The following CSE1L variants were observed in gnomAD, a reference collection of about 807,000 sequenced individuals.
CSE1L encodes exportin-2.
CSE1L carries 24 observed loss-of-function variants against 120.4 expected under a neutral mutation model. The observed-to-expected ratio is 0.20, with a 90% CI of 0.14 to 0.28. The LOEUF is 0.28. Among genes scored for constraint, CSE1L ranks in the 10% least tolerant of loss-of-function variants. The pLI, the probability that CSE1L is intolerant of heterozygous loss-of-function variation, is 1.00. For synonymous variants in CSE1L, 402 were observed against 398.3 expected, an observed-to-expected ratio of 1.01 and a Z score of -0.11; for missense variants, 830 against 1,145.2, an observed-to-expected ratio of 0.72 and a Z score of 3.97.
intron 16 of CSE1L, among the ~76,000 whole-genome samples, chr20:49,086,774 G>GTGGAGGAGCCT (rs1403704474): frequency 6.6e-6 from 1 of 152,198 alleles, no homozygotes; most frequent in Non-Finnish European, 1.5e-5. Flanking sequence ...ACGGTTGTAT[G>GTGGAGGAGCCT]AGTGAATGAA....
At chr20:49,095,116 A>G (rs2092129914) in intron 24 of CSE1L, 153 bp downstream of exon 24, 1 of 704,178 alleles carries the variant, frequency 1.4e-6, no homozygotes, top group South Asian at 1.6e-5. Context: ...AATTAAAAAC[A>G]CTGAGCCCTT....
intron 10 of CSE1L, among the ~76,000 whole-genome samples, chr20:49,073,429 T>C (rs2091946656): frequency 2.0e-5 from 3 of 152,182 alleles, no homozygotes; most frequent in Non-Finnish European, 4.4e-5. Context: ...CCTATATTTA[T>C]AAAATGTATG....
intron 10 of CSE1L, 149 bp from the exon 11 acceptor site, chr20:49,074,636 A>G: frequency 2.0e-6 from 1 of 497,542 alleles, no homozygotes; most frequent in Non-Finnish European, 3.6e-6. Context: ...TGCTCTAGAT[A>G]ATGATTAAGA....
At chr20:49,067,109 A>T in intron 5 of CSE1L, 81 bp from the exon 6 acceptor site, 1 of 693,064 alleles carries the variant, frequency 1.4e-6, no homozygotes, top group East Asian at 2.8e-5. Context: ...ATAGATGTCC[A>T]ATCAGCATCT....
intron 1 of CSE1L, among the ~76,000 whole-genome samples, chr20:49,056,824 T>C (rs2091811397): frequency 1.3e-5 from 2 of 151,804 alleles, no homozygotes; most frequent in South Asian, 4.2e-4. Flanking sequence ...TAAATCAAGC[T>C]AATTAACATA....
intron 1 of CSE1L, among the ~76,000 whole-genome samples, chr20:49,047,206 CTCA>C: frequency 6.6e-6 from 1 of 152,104 alleles, no homozygotes; most frequent in Non-Finnish European, 1.5e-5. Flanking sequence ...GGCTGGTCAC[CTCA>C]TCTCACTGAG....
chr20:49,066,322 T>C (rs765377854), intron 4 of CSE1L, 29 bp downstream of exon 4: 1 of 1,614,106 alleles, frequency 6.2e-7, no homozygotes, highest in Non-Finnish European at 8.5e-7. Flanking sequence ...TTAGATGGGC[T>C]CCTCTGTAAA....
chr20:49,076,956 CTA>C, intron 12 of CSE1L, 22 bp from the exon 13 acceptor site: 5 of 1,488,076 alleles, frequency 3.4e-6, no homozygotes, highest in Non-Finnish European at 4.6e-6. Flanking sequence ...TGTTATTTTA[CTA>C]TGTTATGAAT....
At chr20:49,062,401 A>G (rs6125534) in intron 2 of CSE1L, among the ~76,000 whole-genome samples, 2 of 152,242 alleles carry the variant, frequency 1.3e-5, no homozygotes, top group South Asian at 2.1e-4. Flanking sequence ...AGCCAAAGGT[A>G]GAAAAAAATT....
chr20:49,077,461 A>T (rs921855566), intron 13 of CSE1L, among the ~76,000 whole-genome samples: 2 of 152,134 alleles, frequency 1.3e-5, no homozygotes, highest in African/African-American at 2.4e-5. Flanking sequence ...TGCCCTGCCT[A>T]TTATTTCTTT....
chr20:49,087,050 T>C (rs2092064621), intron 16 of CSE1L, among the ~76,000 whole-genome samples: 4 of 152,230 alleles, frequency 2.6e-5, no homozygotes, highest in Non-Finnish European at 5.9e-5. Flanking sequence ...GGGGCTCTGC[T>C]TAGTAAACAT....
At chr20:49,074,683 T>C (rs569128400) in intron 10 of CSE1L, 102 bp from the exon 11 acceptor site, 2 of 825,582 alleles carry the variant, frequency 2.4e-6, no homozygotes, top group African/African-American at 1.7e-5. Flanking sequence ...ACGAATTCTT[T>C]GCTGTAGAAC....
At chr20:49,070,458 A>G (rs559115874) in intron 8 of CSE1L, among the ~76,000 whole-genome samples, 161 bp downstream of exon 8, 3 of 152,254 alleles carry the variant, frequency 2.0e-5, no homozygotes, top group Non-Finnish European at 4.4e-5. Flanking sequence ...TGTGTGTAGT[A>G]TACAGAATTA....
At chr20:49,078,711 A>C (rs2091988074) in intron 14 of CSE1L, 89 bp downstream of exon 14, 1 of 783,696 alleles carries the variant, frequency 1.3e-6, no homozygotes, top group Non-Finnish European at 2.0e-6. Context: ...CAGTCATTTT[A>C]TATCCACATC....
chr20:49,080,253 T>A (rs1044489079), intron 14 of CSE1L, among the ~76,000 whole-genome samples: 6 of 151,348 alleles, frequency 4.0e-5, no homozygotes, highest in Admixed American at 2.0e-4. Context: ...GTTGTTTTGT[T>A]TTTTTTTATT....
intron 13 of CSE1L, 42 bp downstream of exon 13, chr20:49,077,106 T>A: frequency 8.6e-7 from 1 of 1,167,066 alleles, no homozygotes; most frequent in Non-Finnish European, 1.2e-6. Context: ...CTTGCCACAC[T>A]ATACCTGAAT....
intron 16 of CSE1L, 29 bp downstream of exon 16, chr20:49,085,415 C>T (rs765504180): frequency 6.6e-7 from 1 of 1,516,618 alleles, no homozygotes; most frequent in East Asian, 2.3e-5. Flanking sequence ...GTGCAGACTA[C>T]AGGTATCCAA....
At position 49,090,834 on chromosome 20, in the gene CSE1L, G is replaced by C; in HGVS notation, c.2274G>C (p.Met758Ile). Residue 758 changes from methionine to isoleucine, a missense_variant, in exon 20 of 25, where the codon ATG (methionine) becomes ATC (isoleucine). This residue lies in a region of CSE1L where 168 missense variants were observed against 267.9 expected (regional missense o/e 0.63). Transcript: ENST00000262982. Reference sequence around the variant, plus strand: ...TTCTAAACAGTATAATAGAGCACATGCCTCCGTGAGTATGACTAGAACTTT... The same window carrying C: ...TTCTAAACAGTATAATAGAGCACATCCCTCCGTGAGTATGACTAGAACTTT... ...FYLLNSIIEHMPPESVDQYRK... is the reference protein window; with the variant it reads ...FYLLNSIIEHIPPESVDQYRK... 2 of 1,613,024 alleles carry C rather than the reference G, an allele frequency of 1.2e-6. No individual in the cohort carries two copies. The highest frequency in any genetic ancestry group is 8.5e-7 in the Non-Finnish European group (1 of 1,179,330).
At chr20:49,072,263 G>A in intron 8 of CSE1L, 23 bp from the exon 9 acceptor site, 1 of 1,610,638 alleles carries the variant, frequency 6.2e-7, no homozygotes, top group Non-Finnish European at 8.5e-7. Context: ...GTATGTTGGA[G>A]TTTTTGTTTT....
Sources: allele counts gnomAD v4.1 joint callset (sites outside exome capture counted in the v4.1 genomes callset), GRCh38; gene constraint gnomAD v4.1.1; regional missense constraint gnomAD v4.1.1; transcripts MANE v1.5; gene names NCBI Gene and HGNC (gene_info 2026-07-23, HGNC 2026-07-21).